The following FLT1 variants were observed in gnomAD, a reference collection of about 807,000 sequenced individuals.
The protein encoded by FLT1 is fms related receptor tyrosine kinase 1.
A neutral mutation model predicts 156.3 loss-of-function variants in FLT1; 49 were observed. The observed-to-expected ratio is 0.31, with a 90% CI of 0.25 to 0.40. The LOEUF (loss-of-function observed/expected upper bound fraction) is 0.40. Ranked by LOEUF, FLT1 falls within the 10% of genes least tolerant of loss-of-function variation. The pLI, the probability that FLT1 is intolerant of heterozygous loss-of-function variation, is 1.00. For synonymous variants in FLT1, 594 were observed against 583.8 expected, an observed-to-expected ratio of 1.02 and a Z score of -0.25; for missense variants, 1,322 against 1,637.2, an observed-to-expected ratio of 0.81 and a Z score of 3.32.
chr13:28,329,807 T>C (rs1363621244), intron 18 of FLT1, 79 bp from the exon 19 acceptor site: 5 of 1,116,918 alleles, frequency 4.5e-6, no homozygotes, highest in Non-Finnish European at 6.7e-6. Context: ...TTGCCCTCCT[T>C]GTTTGTCAAT....
Position 28,427,138 on chromosome 13 carries a change from A to G in FLT1, c.1436+21T>C, listed in dbSNP as rs534081391. ...TGTCAAAAAGTATTTGAAAGTTAGT[A>G]AAAAAACTGACTGTCCCTACCTTGC... On this transcript the variant is annotated intron_variant, in intron 10 of 29. Coordinates refer to ENST00000282397, the MANE Select transcript of FLT1 (RefSeq NM_002019.4). The G allele has an allele frequency of 1.6e-4, 253 of 1,610,170 alleles. 3 individuals are homozygous for G. The South Asian group carries it at 2.7e-3, about 17-fold the overall frequency.
intron 14 of FLT1, among the ~76,000 whole-genome samples, chr13:28,379,280 G>A (rs981415780): frequency 3.3e-5 from 5 of 152,294 alleles, no homozygotes; most frequent in African/African-American, 1.2e-4. Context: ...TTTGCAGTGA[G>A]CCAAGATTGT....
intron 20 of FLT1, among the ~76,000 whole-genome samples, chr13:28,324,446 C>T (rs908898864): frequency 6.6e-6 from 1 of 152,198 alleles, no homozygotes; most frequent in African/African-American, 2.4e-5. Flanking sequence ...AGGGACAGCC[C>T]TAACCTAGTC....
At chr13:28,423,747 A>G (rs1005566041) in intron 10 of FLT1, among the ~76,000 whole-genome samples, 4 of 152,206 alleles carry the variant, frequency 2.6e-5, no homozygotes, top group African/African-American at 7.2e-5. Flanking sequence ...GGAAGGCACT[A>G]TATGCTTAAC....
chr13:28,436,857 T>G (rs932792004), intron 4 of FLT1, among the ~76,000 whole-genome samples: 4 of 152,192 alleles, frequency 2.6e-5, no homozygotes, highest in African/African-American at 9.6e-5. Context: ...GAGGTGGTAC[T>G]ATTGTCATTA....
At chr13:28,451,531 A>C (rs1292192774) in intron 3 of FLT1, among the ~76,000 whole-genome samples, 2 of 151,818 alleles carry the variant, frequency 1.3e-5, no homozygotes, top group Admixed American at 6.6e-5. Flanking sequence ...GCCTGGTCAG[A>C]CTCCTCTCCA....
At chr13:28,382,864 T>A (rs756278081) in intron 14 of FLT1, among the ~76,000 whole-genome samples, 1 of 152,136 alleles carries the variant, frequency 6.6e-6, no homozygotes, top group Non-Finnish European at 1.5e-5. Flanking sequence ...ACCTGCTGAG[T>A]GTAAGGTCTC....
chr13:28,314,113 A>T (rs1239901062), intron 25 of FLT1, among the ~76,000 whole-genome samples: 2 of 152,172 alleles, frequency 1.3e-5, no homozygotes, highest in Non-Finnish European at 2.9e-5. Context: ...CGGGAGGATC[A>T]CTTGAGCCTG....
chr13:28,435,493 A>G (rs1437206994), intron 4 of FLT1, among the ~76,000 whole-genome samples: 1 of 152,188 alleles, frequency 6.6e-6, no homozygotes, highest in East Asian at 1.9e-4. Flanking sequence ...TTCCCAGTTG[A>G]AAAAGGGGGA....
intron 14 of FLT1, among the ~76,000 whole-genome samples, chr13:28,376,540 T>C (rs1048706167): frequency 3.9e-5 from 6 of 152,224 alleles, no homozygotes; most frequent in African/African-American, 1.4e-4. Flanking sequence ...TTTGTTACTT[T>C]TTTCAGCCTT....
chr13:28,308,395 C>T (rs1197135489), intron 28 of FLT1: 1 of 259,886 alleles, frequency 3.8e-6, no homozygotes, highest in African/African-American at 2.2e-5. Flanking sequence ...GGTAGGAACA[C>T]AGCTGTTCAA....
intron 10 of FLT1, among the ~76,000 whole-genome samples, chr13:28,415,973 A>G (rs1366977554): frequency 6.6e-6 from 1 of 152,216 alleles, no homozygotes; most frequent in Admixed American, 6.5e-5. Flanking sequence ...ATGCCACTTC[A>G]GAGGGAAGTG....
At chr13:28,311,214 C>T (rs1870986315) in intron 27 of FLT1, among the ~76,000 whole-genome samples, 1 of 152,158 alleles carries the variant, frequency 6.6e-6, no homozygotes, top group South Asian at 2.1e-4. Context: ...ACCTCAGTCT[C>T]CCAAAGTGCT....
At chr13:28,490,665 T>A (rs1176317509) in intron 1 of FLT1, among the ~76,000 whole-genome samples, 4 of 152,172 alleles carry the variant, frequency 2.6e-5, no homozygotes, top group Admixed American at 2.6e-4. Context: ...CGAAGGCCAA[T>A]GGAGCAGAAT....
At chr13:28,388,832 T>C (rs558959842) in intron 13 of FLT1, 3 of 1,062,016 alleles carry the variant, frequency 2.8e-6, no homozygotes, top group Middle Eastern at 4.2e-4. Context: ...TTTAACATGA[T>C]GAAGTTCCTT....
intron 10 of FLT1, among the ~76,000 whole-genome samples, chr13:28,422,070 A>C (rs920068621): frequency 2.8e-4 from 43 of 152,390 alleles, no homozygotes; most frequent in African/African-American, 1.0e-3. Context: ...TAAATGCTAA[A>C]GACAAGTGGT....
At chr13:28,408,001 C>T (rs1164227649) in intron 10 of FLT1, among the ~76,000 whole-genome samples, 1 of 152,094 alleles carries the variant, frequency 6.6e-6, no homozygotes, top group Non-Finnish European at 1.5e-5. Context: ...ATATAATGTG[C>T]ACATATACAC....
chr13:28,345,772 GAA>G, intron 15 of FLT1: 1 of 474,954 alleles, frequency 2.1e-6, no homozygotes, highest in Admixed American at 3.4e-5. Context: ...CTCACATAAT[GAA>G]CTCACATAGA....
At chr13:28,485,724 G>A (rs2025476) in intron 1 of FLT1, among the ~76,000 whole-genome samples, 92 of 152,254 alleles carry the variant, frequency 6.0e-4, no homozygotes, top group African/African-American at 2.0e-3. Context: ...GTGGTAGAGC[G>A]GTGTTGTAGG....
Sources: gnomAD v4.1 joint callset for allele counts (sites outside exome capture counted in the v4.1 genomes callset) on GRCh38, gnomAD v4.1.1 for gene constraint, MANE v1.5 for transcripts, NCBI Gene and HGNC (gene_info 2026-07-23, HGNC 2026-07-21) for gene names.